EXOC4: variants seen among roughly 807,000 people sequenced by gnomAD.
The protein encoded by EXOC4 is SEC8-like 1.
A neutral mutation model predicts 107.2 loss-of-function variants in EXOC4; 71 were observed. That is an observed-to-expected ratio of 0.66 (90% CI 0.55 to 0.81). The LOEUF (loss-of-function observed/expected upper bound fraction) is 0.81. Ranked by LOEUF, EXOC4 falls within the 30% of genes least tolerant of loss-of-function variation. EXOC4 has a pLI of 0.00. For missense variants in EXOC4, 1,108 were observed against 1,189.6 expected (o/e 0.93, Z 1.01); for synonymous variants, 456 against 441.2 (o/e 1.03, Z -0.42).
chr7:133,931,326 C>G (rs1289159957), intron 13 of EXOC4, among the ~76,000 whole-genome samples: 4 of 152,028 alleles, frequency 2.6e-5, no homozygotes, highest in Non-Finnish European at 5.9e-5. Context: ...GAATGTATGT[C>G]TGTATTCATG....
At chr7:133,971,458 A>T (rs975907256) in intron 14 of EXOC4, among the ~76,000 whole-genome samples, 3 of 149,062 alleles carry the variant, frequency 2.0e-5, no homozygotes, top group African/African-American at 4.9e-5. Context: ...TTCTTATGAG[A>T]ATATGTGAAT....
intron 12 of EXOC4, among the ~76,000 whole-genome samples, chr7:133,906,424 A>C (rs955844764): frequency 6.6e-6 from 1 of 152,292 alleles, no homozygotes; most frequent in East Asian, 1.9e-4. Context: ...CTCACACCCG[A>C]CCAATCAGGT....
intron 1 of EXOC4, among the ~76,000 whole-genome samples, chr7:133,266,075 A>G (rs1314830273): frequency 1.3e-5 from 2 of 152,192 alleles, no homozygotes; most frequent in Non-Finnish European, 2.9e-5. Flanking sequence ...AAGCAATAGA[A>G]ATGTATTTTC....
intron 10 of EXOC4, among the ~76,000 whole-genome samples, chr7:133,689,067 G>A (rs1794365845): frequency 6.6e-6 from 1 of 152,160 alleles, no homozygotes; most frequent in African/African-American, 2.4e-5. Context: ...AAACTATGCT[G>A]TGGTCTCTTA....
At chr7:133,286,592 T>C (rs1261537982) in intron 2 of EXOC4, among the ~76,000 whole-genome samples, 1 of 152,196 alleles carries the variant, frequency 6.6e-6, no homozygotes, top group Non-Finnish European at 1.5e-5. Context: ...CCATAATGAT[T>C]GGGTAGGGAC....
At chr7:134,084,184 C>G in the EXOC4 span, among the ~76,000 whole-genome samples, 2 of 152,192 alleles carry the variant, frequency 1.3e-5, no homozygotes. Flanking sequence ...TCAGTTATCA[C>G]ACTGGTCACC....
chr7:133,404,880 C>CG (rs1204721753), intron 7 of EXOC4, among the ~76,000 whole-genome samples: 2 of 56,028 alleles, frequency 3.6e-5, no homozygotes, highest in Admixed American at 4.2e-4. Context: ...CGCCCCCCCC[C>CG]CCAATACACA....
intron 10 of EXOC4, among the ~76,000 whole-genome samples, chr7:133,634,408 TTACTCTTAGCC>T (rs1196857472): frequency 6.6e-6 from 1 of 152,228 alleles, no homozygotes; most frequent in Non-Finnish European, 1.5e-5. Context: ...CTTCCTTGCT[TTACTCTTAGCC>T]TACCAAGACA....
At chr7:133,685,439 C>T (rs1222356545) in intron 10 of EXOC4, among the ~76,000 whole-genome samples, 1 of 152,096 alleles carries the variant, frequency 6.6e-6, no homozygotes, top group Non-Finnish European at 1.5e-5. Flanking sequence ...GAGACCTCCC[C>T]AGCCATGTTG....
chr7:133,805,927 C>A (rs769333321), intron 10 of EXOC4, among the ~76,000 whole-genome samples: 2 of 152,188 alleles, frequency 1.3e-5, no homozygotes, highest in Non-Finnish European at 2.9e-5. Flanking sequence ...TATTCACCTG[C>A]GTCATCTCAT....
intron 5 of EXOC4, among the ~76,000 whole-genome samples, chr7:133,347,435 G>A (rs1795810296): frequency 2.0e-5 from 3 of 152,066 alleles, no homozygotes; most frequent in African/African-American, 7.2e-5. Context: ...GTAGAGATGG[G>A]GTTTCACCAT....
the EXOC4 span, among the ~76,000 whole-genome samples, chr7:134,087,308 A>G: frequency 6.6e-6 from 1 of 152,168 alleles, no homozygotes; most frequent in Non-Finnish European, 1.5e-5. Flanking sequence ...CTGCCTAACT[A>G]TTAGAGTCTC....
chr7:133,389,754 T>A (rs1008451912), intron 7 of EXOC4, among the ~76,000 whole-genome samples: 1 of 152,052 alleles, frequency 6.6e-6, no homozygotes, highest in Non-Finnish European at 1.5e-5. Context: ...TTCACACTGC[T>A]GATAAAGACA....
At chr7:134,073,099 A>G in the EXOC4 span, among the ~76,000 whole-genome samples, 1 of 147,188 alleles carries the variant, frequency 6.8e-6, no homozygotes, top group Non-Finnish European at 1.5e-5. Flanking sequence ...CCAGCTACTC[A>G]GGAGGCTGAG....
At chr7:133,801,663 A>G (rs79811363) in intron 10 of EXOC4, among the ~76,000 whole-genome samples, 2,476 of 152,334 alleles carry the variant, frequency 0.016, 60 homozygotes, top group African/African-American at 0.055. Flanking sequence ...AGAAACCCAC[A>G]TAGTCTAATT....
At chr7:133,666,765 C>T (rs1407063396) in intron 10 of EXOC4, among the ~76,000 whole-genome samples, 1 of 152,192 alleles carries the variant, frequency 6.6e-6, no homozygotes, top group Non-Finnish European at 1.5e-5. Flanking sequence ...ATACCTGCTT[C>T]CAAGTAATTT....
At chr7:133,874,296 A>G (rs1373371879) in intron 11 of EXOC4, among the ~76,000 whole-genome samples, 10 of 152,172 alleles carry the variant, frequency 6.6e-5, no homozygotes, top group Admixed American at 2.0e-4. Context: ...CTCTGCATGG[A>G]AAAGTCATAT....
At chr7:133,384,448 G>C (rs570243684) in intron 7 of EXOC4, among the ~76,000 whole-genome samples, 2 of 152,108 alleles carry the variant, frequency 1.3e-5, no homozygotes, top group Admixed American at 1.3e-4. Flanking sequence ...CCAAGTGTCC[G>C]TCAGACTCAT....
intron 9 of EXOC4, among the ~76,000 whole-genome samples, chr7:133,580,283 A>T (rs1005290739): frequency 1.3e-5 from 2 of 152,204 alleles, no homozygotes; most frequent in Non-Finnish European, 2.9e-5. Context: ...GGCTTTTGTG[A>T]ATAATGCTGC....
Sources: gnomAD v4.1 joint callset for allele counts (sites outside exome capture counted in the v4.1 genomes callset) on GRCh38, gnomAD v4.1.1 for gene constraint, MANE v1.5 for transcripts, NCBI Gene and HGNC (gene_info 2026-07-23, HGNC 2026-07-21) for gene names.